The following SGCZ variants were observed in gnomAD, a reference collection of about 807,000 sequenced individuals.
SGCZ encodes sarcoglycan zeta.
Under a neutral mutation model 41.3 loss-of-function variants are expected in SGCZ, and 40 were observed. The observed-to-expected ratio is 0.97, with a 90% CI of 0.75 to 1.26. SGCZ has a LOEUF of 1.26. Ranked by LOEUF, SGCZ falls within the 50% of genes most tolerant of loss-of-function variation. SGCZ has a pLI of 0.00. For missense variants in SGCZ, 552 were observed against 369.8 expected (o/e 1.49, Z -4.04); for synonymous variants, 206 against 137.5 (o/e 1.50, Z -3.49).
chr8:14,380,723 G>A (rs911380128), intron 2 of SGCZ, among the ~76,000 whole-genome samples: 4 of 152,222 alleles, frequency 2.6e-5, no homozygotes, highest in East Asian at 3.9e-4. Context: ...ATGGTGGTGC[G>A]TATCTGCAGT....
intron 3 of SGCZ, among the ~76,000 whole-genome samples, chr8:14,268,476 T>C (rs924922578): frequency 3.4e-4 from 52 of 151,758 alleles, no homozygotes; most frequent in African/African-American, 1.0e-3. Context: ...TACTTGCATA[T>C]TTGCTATAAC....
At chr8:14,806,930 T>G (rs4419809) in intron 1 of SGCZ, among the ~76,000 whole-genome samples, 1 of 149,356 alleles carries the variant, frequency 6.7e-6, no homozygotes, top group African/African-American at 2.5e-5. Flanking sequence ...GTTCAATATA[T>G]GCAAATCAAT....
intron 5 of SGCZ, among the ~76,000 whole-genome samples, chr8:14,154,834 A>G (rs1185788767): frequency 6.6e-6 from 1 of 152,146 alleles, no homozygotes; most frequent in East Asian, 1.9e-4. Context: ...GTGTTCTGAC[A>G]GGTAGTCCTA....
At chr8:14,875,642 A>G (rs1804329507) in intron 1 of SGCZ, among the ~76,000 whole-genome samples, 2 of 152,160 alleles carry the variant, frequency 1.3e-5, no homozygotes, top group Non-Finnish European at 2.9e-5. Flanking sequence ...GTGAAAGGCT[A>G]GGACCTGGTT....
At chr8:14,839,292 G>A (rs998221954) in intron 1 of SGCZ, among the ~76,000 whole-genome samples, 7 of 152,130 alleles carry the variant, frequency 4.6e-5, no homozygotes, top group African/African-American at 1.4e-4. Context: ...TACGCAATGA[G>A]TAGCCAGGTA....
chr8:15,039,732 G>A (rs1280053150), intron 1 of SGCZ, among the ~76,000 whole-genome samples: 1 of 152,130 alleles, frequency 6.6e-6, no homozygotes, highest in Non-Finnish European at 1.5e-5. Context: ...CAACTGTATG[G>A]TGAAAATAAT....
chr8:14,970,094 A>AGT (rs2130863165), intron 1 of SGCZ, among the ~76,000 whole-genome samples: 1 of 152,238 alleles, frequency 6.6e-6, no homozygotes, highest in East Asian at 1.9e-4. Flanking sequence ...ATAAGTGTGT[A>AGT]GTGATATGTC....
chr8:15,167,426 C>T (rs1364235627), intron 1 of SGCZ, among the ~76,000 whole-genome samples: 1 of 146,678 alleles, frequency 6.8e-6, no homozygotes, highest in Non-Finnish European at 1.5e-5. Context: ...GGTCTAGGAG[C>T]TCCAAGTTCA....
At chr8:14,540,301 G>C (rs949028177) in intron 2 of SGCZ, among the ~76,000 whole-genome samples, 3 of 102,156 alleles carry the variant, frequency 2.9e-5, no homozygotes, top group Non-Finnish European at 4.0e-5. Flanking sequence ...TCTCTGTCTT[G>C]GTGTTGACCT....
At chr8:14,399,500 C>T (rs912586577) in intron 2 of SGCZ, among the ~76,000 whole-genome samples, 2 of 151,952 alleles carry the variant, frequency 1.3e-5, no homozygotes, top group African/African-American at 2.4e-5. Context: ...GGTTCTTTCT[C>T]GCTTCACAGA....
At chr8:14,374,593 G>T (rs1354179788) in intron 2 of SGCZ, among the ~76,000 whole-genome samples, 1 of 150,574 alleles carries the variant, frequency 6.6e-6, no homozygotes, top group Non-Finnish European at 1.5e-5. Flanking sequence ...GTATTACACA[G>T]TTGAACACGA....
intron 2 of SGCZ, among the ~76,000 whole-genome samples, chr8:14,496,210 T>G (rs1439020090): frequency 3.3e-5 from 5 of 150,922 alleles, no homozygotes; most frequent in Non-Finnish European, 5.9e-5. Flanking sequence ...GGACTTCAGG[T>G]GCACAACATC....
intron 1 of SGCZ, among the ~76,000 whole-genome samples, chr8:14,616,298 A>T (rs1333825061): frequency 6.6e-6 from 1 of 151,886 alleles, no homozygotes; most frequent in African/African-American, 2.4e-5. Flanking sequence ...AAAAAAAGAA[A>T]AAAAGAAAAA....
At chr8:14,825,542 A>G (rs575752876) in intron 1 of SGCZ, among the ~76,000 whole-genome samples, 95 of 152,346 alleles carry the variant, frequency 6.2e-4, no homozygotes, top group African/African-American at 2.2e-3. Context: ...TAAATATTGT[A>G]TGTACTTGAA....
intron 1 of SGCZ, among the ~76,000 whole-genome samples, chr8:15,128,314 T>TA (rs1430116017): frequency 2.0e-5 from 3 of 152,352 alleles, no homozygotes; most frequent in Non-Finnish European, 4.4e-5. Context: ...ACTCACCTTA[T>TA]AAGCTTTGAG....
At chr8:14,728,536 G>T (rs1810134124) in intron 1 of SGCZ, among the ~76,000 whole-genome samples, 1 of 151,978 alleles carries the variant, frequency 6.6e-6, no homozygotes, top group South Asian at 2.1e-4. Flanking sequence ...TAAAATAATG[G>T]AGATTTTAGT....
chr8:14,868,675 G>T (rs1214775192), intron 1 of SGCZ, among the ~76,000 whole-genome samples: 1 of 152,092 alleles, frequency 6.6e-6, no homozygotes. Flanking sequence ...TTTAAAATGT[G>T]AAGTTACAGA....
At chr8:14,762,248 A>G (rs986712593) in intron 1 of SGCZ, among the ~76,000 whole-genome samples, 7 of 152,216 alleles carry the variant, frequency 4.6e-5, no homozygotes, top group African/African-American at 1.7e-4. Context: ...GGAGTCATGA[A>G]TAAATCTCCA....
At chr8:14,794,817 C>T (rs1029903884) in intron 1 of SGCZ, among the ~76,000 whole-genome samples, 17 of 152,144 alleles carry the variant, frequency 1.1e-4, no homozygotes, top group African/African-American at 4.1e-4. Flanking sequence ...AAAGAGTCAG[C>T]ATTGAAATGC....
Sources: allele counts gnomAD v4.1 joint callset (sites outside exome capture counted in the v4.1 genomes callset), GRCh38; gene constraint gnomAD v4.1.1; transcripts MANE v1.5; gene names NCBI Gene and HGNC (gene_info 2026-07-23, HGNC 2026-07-21).